The following TP53BP2 variants were observed in gnomAD, a reference collection of about 807,000 sequenced individuals.
TP53BP2 encodes the protein tumor protein p53 binding protein 2.
A neutral mutation model predicts 126.2 loss-of-function variants in TP53BP2; 62 were observed. That is an observed-to-expected ratio of 0.49 (90% confidence interval 0.40 to 0.61). The LOEUF (loss-of-function observed/expected upper bound fraction) is 0.61, where lower values mean the gene tolerates loss of function less well. TP53BP2 is among the 20% of genes least tolerant of loss of function. TP53BP2 has a pLI of 0.00. For synonymous variants in TP53BP2, 485 were observed against 502.9 expected (o/e 0.96, Z 0.48); for missense variants, 1,215 against 1,402.8 (o/e 0.87, Z 2.14).
At position 223,824,675 on chromosome 1, in the gene TP53BP2, T is replaced by A. The variant is rs761092282; in HGVS notation, c.28-3308A>T. On this transcript the variant is annotated intron_variant, in intron 1 of 17. Transcript: ENST00000343537. ...TATCCCAGAACTTAAAATTAATTTT[T>A]AAAAAAAAAAGTTCCCTAAGAGCTA... 2.5e-4 allele frequency among the ~76,000 whole-genome samples: 38 copies of A among 149,646 alleles called. 1 individual carries two copies. The highest frequency in any genetic ancestry group is 4.2e-4 in the South Asian group (2 of 4,714).
rs760672374 is a variant in TP53BP2 at position 223,821,376 on chromosome 1, T to C, written c.28-9A>G. 5 of 1,613,886 alleles carry C rather than the reference T, an allele frequency of 3.1e-6. No homozygotes were observed. In the Admixed American group the frequency reaches 6.7e-5, roughly 22 times the overall value. On this transcript the variant is annotated splice_polypyrimidine_tract_variant and intron_variant, in intron 1 of 17. Transcript: ENST00000343537. ...TACACGGTAAGAAACATCTAAAAAT[T>C]AAGAGAGAAACACATGGTTACTGGT...
chr1:223,810,403 T>C (rs1196390529), intron 4 of TP53BP2, 28 bp downstream of exon 4: 10 of 1,536,410 alleles, frequency 6.5e-6, no homozygotes, highest in Non-Finnish European at 8.0e-6. Context: ...CTGTGGTATA[T>C]ACAGTATGGA....
chr1:223,822,036 C>T (rs897829498), intron 1 of TP53BP2, among the ~76,000 whole-genome samples: 2 of 151,890 alleles, frequency 1.3e-5, no homozygotes, highest in Admixed American at 6.6e-5. Flanking sequence ...GGATTACAGG[C>T]GCATGCCATA....
At chr1:223,803,776 T>C (rs917614858) in intron 6 of TP53BP2, among the ~76,000 whole-genome samples, 3 of 152,206 alleles carry the variant, frequency 2.0e-5, no homozygotes, top group Admixed American at 1.3e-4. Flanking sequence ...ACATTCTGAA[T>C]AAAATGGTAT....
chr1:223,810,634 CAAAAT>C (rs1286803958), intron 3 of TP53BP2, 121 bp from the exon 4 acceptor site: 6 of 728,342 alleles, frequency 8.2e-6, no homozygotes, highest in Non-Finnish European at 1.3e-5. Context: ...ATTCTTAAAA[CAAAAT>C]ATTTTCTAAT....
intron 1 of TP53BP2, among the ~76,000 whole-genome samples, chr1:223,829,632 G>T (rs924309015): frequency 2.6e-5 from 4 of 151,646 alleles, no homozygotes; most frequent in African/African-American, 9.7e-5. Flanking sequence ...GGAAGCTGTT[G>T]TGAGAAATCC....
At chr1:223,834,174 A>G (rs374894623) in intron 1 of TP53BP2, among the ~76,000 whole-genome samples, 2 of 152,230 alleles carry the variant, frequency 1.3e-5, no homozygotes, top group African/African-American at 2.4e-5. Context: ...GGTCAAGAAT[A>G]AGGAGTACGG....
chr1:223,787,671 G>GT (rs1451343415), intron 16 of TP53BP2, among the ~76,000 whole-genome samples: 7 of 152,102 alleles, frequency 4.6e-5, no homozygotes, highest in Non-Finnish European at 1.5e-5. Context: ...AAGCTCACGA[G>GT]TTTGAGAACC....
chr1:223,836,975 G>A (rs1350102750), intron 1 of TP53BP2, among the ~76,000 whole-genome samples: 1 of 151,960 alleles, frequency 6.6e-6, no homozygotes, highest in Non-Finnish European at 1.5e-5. Context: ...CAAAATTTTT[G>A]AAAATTACCT....
At chr1:223,795,204 T>C (rs2102843114) in intron 13 of TP53BP2, among the ~76,000 whole-genome samples, 1 of 152,318 alleles carries the variant, frequency 6.6e-6, no homozygotes, top group African/African-American at 2.4e-5. Context: ...AACTTTCGTA[T>C]GTTAAAGTAC....
intron 1 of TP53BP2, among the ~76,000 whole-genome samples, chr1:223,827,044 G>A (rs1234780257): frequency 6.6e-6 from 1 of 152,148 alleles, no homozygotes; most frequent in Non-Finnish European, 1.5e-5. Flanking sequence ...GTTGGGAAGG[G>A]CCCACAGAAT....
At chr1:223,784,630 AG>A (rs750783363) in intron 16 of TP53BP2, among the ~76,000 whole-genome samples, 16 of 152,224 alleles carry the variant, frequency 1.1e-4, no homozygotes, top group Non-Finnish European at 1.5e-4. Context: ...AACTAAAAAA[AG>A]AACTGTTCAA....
At chr1:223,793,082 C>CAT (rs1304965970) in intron 14 of TP53BP2, among the ~76,000 whole-genome samples, 2 of 152,078 alleles carry the variant, frequency 1.3e-5, no homozygotes, top group Non-Finnish European at 2.9e-5. Flanking sequence ...TTTAAAACAG[C>CAT]ATAGCCTATT....
chr1:223,814,188 A>T (rs1663006319), intron 3 of TP53BP2, 52 bp downstream of exon 3: 6 of 1,379,796 alleles, frequency 4.3e-6, no homozygotes, highest in Non-Finnish European at 5.1e-6. Context: ...TACTACTCCC[A>T]GCACAAAATA....
intron 2 of TP53BP2, among the ~76,000 whole-genome samples, chr1:223,814,996 A>G (rs571499915): frequency 1.3e-5 from 2 of 152,352 alleles, no homozygotes; most frequent in South Asian, 4.1e-4. Context: ...TAGAAGCTTC[A>G]GGAGAAACAA....
At chr1:223,782,097 T>C (rs995010835) in intron 17 of TP53BP2, among the ~76,000 whole-genome samples, 2 of 152,194 alleles carry the variant, frequency 1.3e-5, no homozygotes, top group African/African-American at 4.8e-5. Flanking sequence ...GTGACTATAA[T>C]TAATAATGTA....
At chr1:223,819,261 T>C (rs969276232) in intron 2 of TP53BP2, among the ~76,000 whole-genome samples, 1 of 150,956 alleles carries the variant, frequency 6.6e-6, no homozygotes, top group African/African-American at 2.4e-5. Flanking sequence ...TAAATTCAAG[T>C]GAGCAAGAGG....
At chr1:223,834,159 T>C (rs1663838169) in intron 1 of TP53BP2, among the ~76,000 whole-genome samples, 2 of 152,184 alleles carry the variant, frequency 1.3e-5, no homozygotes, top group South Asian at 4.1e-4. Context: ...AGGCAGGGCC[T>C]TGTAGGTCAA....
At chr1:223,831,474 AAAAAAAATATAT>A (rs1362836752) in intron 1 of TP53BP2, among the ~76,000 whole-genome samples, 1,993 of 72,182 alleles carry the variant, frequency 0.028, 56 homozygotes, top group East Asian at 0.061. Flanking sequence ...TCTAAAAAAA[AAAAAAAATATAT>A]ATATATATAT....
Sources: allele counts gnomAD v4.1 joint callset (sites outside exome capture counted in the v4.1 genomes callset), GRCh38; gene constraint gnomAD v4.1.1; transcripts MANE v1.5; gene names NCBI Gene and HGNC (gene_info 2026-07-23, HGNC 2026-07-21).